NEK4: variants seen among roughly 807,000 people sequenced by gnomAD.
The protein encoded by NEK4 is NIMA related kinase 4, also known as serine/threonine-protein kinase Nek4.
A neutral mutation model predicts 98.4 loss-of-function variants in NEK4; 86 were observed. The ratio of observed to expected loss-of-function variants is 0.87; its 90% CI spans 0.73 to 1.05. The LOEUF (loss-of-function observed/expected upper bound fraction) is 1.05, where lower values mean the gene tolerates loss of function less well. NEK4 is among the 50% of genes least tolerant of loss of function. The pLI is 0.00. For synonymous variants in NEK4, 328 were observed against 342.2 expected (o/e 0.96, Z 0.46); for missense variants, 898 against 950.3 (o/e 0.94, Z 0.72).
intron 6 of NEK4, among the ~76,000 whole-genome samples, chr3:52,758,178 CAAAAAAAAAA>C (rs35117059): frequency 3.2e-5 from 2 of 62,780 alleles, no homozygotes; most frequent in Non-Finnish European, 5.5e-5. Context: ...GACACCATCT[CAAAAAAAAAA>C]AAAAAAAAAA....
At chr3:52,752,933 T>TATATACACACACAC (rs148965312) in intron 6 of NEK4, among the ~76,000 whole-genome samples, 12 of 75,570 alleles carry the variant, frequency 1.6e-4, no homozygotes, top group Admixed American at 1.1e-3. Flanking sequence ...TATATATATA[T>TATATACACACACAC]ACACACACAC....
chr3:52,744,739 CAA>C (rs113854356), intron 10 of NEK4, among the ~76,000 whole-genome samples: 11 of 135,844 alleles, frequency 8.1e-5, no homozygotes, highest in Non-Finnish European at 9.7e-5. Flanking sequence ...ACAGCAAGAC[CAA>C]AAAAAAAAAA....
chr3:52,749,508 T>C (rs187251383), intron 8 of NEK4, among the ~76,000 whole-genome samples, 184 bp downstream of exon 8: 393 of 151,986 alleles, frequency 2.6e-3, no homozygotes, highest in Non-Finnish European at 4.8e-3. Context: ...AGATTATTTC[T>C]CCAAAGGAGA....
chr3:52,753,755 C>T, intron 6 of NEK4: 1 of 552,146 alleles, frequency 1.8e-6, no homozygotes. Flanking sequence ...GAAATACTCT[C>T]TTCTTGCTGA....
intron 15 of NEK4, among the ~76,000 whole-genome samples, chr3:52,729,814 G>A (rs957409081): frequency 8.0e-5 from 12 of 150,724 alleles, no homozygotes; most frequent in African/African-American, 2.9e-4. Context: ...CAGCTCTACA[G>A]AAATAAAAAG....
intron 6 of NEK4, chr3:52,753,569 G>A (rs1032864153): frequency 1.8e-6 from 1 of 546,250 alleles, no homozygotes; most frequent in Non-Finnish European, 3.7e-6. Context: ...ACATGGAAAC[G>A]ATCTGAAGCT....
intron 8 of NEK4, among the ~76,000 whole-genome samples, chr3:52,748,983 A>G (rs1330939412): frequency 1.3e-5 from 2 of 151,502 alleles, no homozygotes; most frequent in African/African-American, 4.8e-5. Flanking sequence ...GCTACTCGAG[A>G]GGGTAAGATT....
chr3:52,754,452 G>C lies in NEK4; in HGVS notation c.964-2116C>G, dbSNP rs942566202. The C allele has an allele frequency of 6.6e-6, 4 of 603,472 alleles. No individual in the cohort carries two copies. In the African/African-American group the frequency reaches 7.4e-5, roughly 11 times the overall value. 37.4% of individuals were successfully genotyped at this position (603,472 alleles called of 1,614,324 possible). On this transcript the variant is annotated intron_variant, in intron 6 of 15. Coordinates refer to ENST00000233027, the MANE Select transcript of NEK4 (RefSeq NM_003157.6). ...GAGAAAGATGTTCAGCTTTTTAAGA[G>C]TAAAGTGGTTGACAGTGTTAAGGTA...
chr3:52,765,595 C>A (rs1698529381), intron 4 of NEK4, among the ~76,000 whole-genome samples: 1 of 152,164 alleles, frequency 6.6e-6, no homozygotes, highest in African/African-American at 2.4e-5. Flanking sequence ...GAAGAAGAGA[C>A]AAATAGCCTC....
In NEK4 at chr3:52,715,092, G is replaced by A. The variant is rs534600149; in HGVS notation, c.2434-3223C>T. ...GGTCCCCGGTGAGGCCCCACCTTCCGGCCAGGGAGGGAGCAAAGGCCGGGT... is the reference window on the plus strand; with the variant it reads ...GGTCCCCGGTGAGGCCCCACCTTCCAGCCAGGGAGGGAGCAAAGGCCGGGT... On this transcript the variant is annotated intron_variant, in intron 15 of 15. Coordinates refer to ENST00000233027, the MANE Select transcript of NEK4 (RefSeq NM_003157.6). 2.6e-5 allele frequency among the ~76,000 whole-genome samples: 4 copies of A among 152,342 alleles called. No individual in the cohort carries two copies. In the South Asian group the frequency reaches 8.3e-4, roughly 32 times the overall value.
intron 6 of NEK4, among the ~76,000 whole-genome samples, chr3:52,752,745 C>T (rs909292375): frequency 2.7e-5 from 4 of 149,104 alleles, no homozygotes; most frequent in African/African-American, 9.9e-5. Flanking sequence ...ACTAAAAATA[C>T]AAAAATTAGC....
chr3:52,738,114 AT>A (rs749656278), intron 14 of NEK4, among the ~76,000 whole-genome samples: 311 of 144,422 alleles, frequency 2.2e-3, no homozygotes, highest in Middle Eastern at 3.6e-3. Context: ...CACCCGGCCT[AT>A]TTTTTTTTTT....
intron 15 of NEK4, 27 bp from the exon 16 acceptor site, chr3:52,711,896 ATCAGTAT>A: frequency 7.4e-7 from 1 of 1,349,878 alleles, no homozygotes; most frequent in Non-Finnish European, 1.1e-6. Flanking sequence ...AAGAAAATCA[ATCAGTAT>A]GTAGTAGGAA....
chr3:52,741,361 C>A, intron 13 of NEK4, 50 bp downstream of exon 13: 2 of 1,045,944 alleles, frequency 1.9e-6, no homozygotes, highest in South Asian at 2.6e-5. Context: ...ATTTAATATT[C>A]ATTAAAACAG....
At chr3:52,742,021 G>A (rs770751876) in intron 12 of NEK4, among the ~76,000 whole-genome samples, 12 of 152,020 alleles carry the variant, frequency 7.9e-5, no homozygotes, top group Non-Finnish European at 1.2e-4. Flanking sequence ...CTCATGATCC[G>A]CCTGCCTCAG....
chr3:52,746,811 G>A lies in NEK4; in HGVS notation c.1600C>T (p.Arg534Ter), dbSNP rs201029132. ...TCTCTCCTCTTTTGCCGTCGCTGTC[G>A]AGACAGGGAAGGTTCAGACCCAGAG... ...HNSGSEPSLSRQRRQKRREQT... is the reference protein window; with the variant it reads ...HNSGSEPSLS The change falls in exon 9 of 16, where the codon CGA becomes TGA. Residue 534 changes from arginine to a stop codon, truncating the protein, a stop_gained. Transcript: ENST00000233027. LOFTEE classifies it high-confidence loss of function. 75 of 1,613,892 alleles carry A rather than the reference G, an allele frequency of 4.6e-5. No individual in the cohort carries two copies. Among genetic ancestry groups the A allele is most frequent in the Non-Finnish European group, 5.8e-5 (69 of 1,179,932 alleles).
chr3:52,735,662 C>A (rs958501808), intron 15 of NEK4, among the ~76,000 whole-genome samples: 1 of 152,140 alleles, frequency 6.6e-6, no homozygotes, highest in Admixed American at 6.5e-5. Context: ...AAAGAGAAAA[C>A]CCATGGCACT....
intron 8 of NEK4, among the ~76,000 whole-genome samples, chr3:52,748,055 G>T (rs1410256133): frequency 6.6e-6 from 1 of 151,998 alleles, no homozygotes; most frequent in Admixed American, 6.6e-5. Context: ...CTCCTCCTGG[G>T]TTCACGCCAT....
intron 6 of NEK4, among the ~76,000 whole-genome samples, chr3:52,757,494 G>A (rs1194152792): frequency 6.6e-6 from 1 of 150,866 alleles, no homozygotes; most frequent in Non-Finnish European, 1.5e-5. Flanking sequence ...GGAGGTGGAG[G>A]TTACAGTGAG....
Sources: allele counts gnomAD v4.1 joint callset (sites outside exome capture counted in the v4.1 genomes callset), GRCh38; gene constraint gnomAD v4.1.1; transcripts MANE v1.5; gene names NCBI Gene and HGNC (gene_info 2026-07-23, HGNC 2026-07-21).